Variants in INSR observed in about 807,000 individuals in gnomAD.
The protein encoded by INSR is IR.
A neutral mutation model predicts 142.6 loss-of-function variants in INSR; 67 were observed. The ratio of observed to expected loss-of-function variants is 0.47; its 90% CI spans 0.39 to 0.58. The LOEUF is 0.58. INSR is among the 20% of genes least tolerant of loss of function. The pLI is 0.00. For synonymous variants in INSR, 756 were observed against 743.1 expected (o/e 1.02, Z -0.28); for missense variants, 1,248 against 1,833.2 (o/e 0.68, Z 5.83).
At chr19:7,218,175 C>T (rs543593167) in intron 2 of INSR, among the ~76,000 whole-genome samples, 9 of 151,974 alleles carry the variant, frequency 5.9e-5, no homozygotes, top group South Asian at 2.1e-4. Flanking sequence ...CCGGGGGTCA[C>T]GTGGAAGTGT....
chr19:7,137,974 T>C (rs952071973), intron 13 of INSR, among the ~76,000 whole-genome samples: 2 of 148,518 alleles, frequency 1.3e-5, no homozygotes, highest in Non-Finnish European at 3.0e-5. Context: ...TTCTTTTTTT[T>C]TTTTTTTGAG....
At chr19:7,122,578 G>T in intron 19 of INSR, 36 bp downstream of exon 19, 3 of 1,612,510 alleles carry the variant, frequency 1.9e-6, no homozygotes, top group Non-Finnish European at 2.5e-6. Context: ...ACCTGGCCTG[G>T]GTCGTTATGT....
intron 2 of INSR, among the ~76,000 whole-genome samples, chr19:7,197,918 A>AGTGTGTGTGTGTGTGT (rs71864058): frequency 1.7e-4 from 17 of 100,218 alleles, no homozygotes; most frequent in African/African-American, 5.6e-4. Context: ...CCAGAGTGAG[A>AGTGTGTGTGTGTGTGT]GTGTGTGTGT....
chr19:7,130,529 T>G (rs1308129915), intron 14 of INSR, among the ~76,000 whole-genome samples: 3 of 152,222 alleles, frequency 2.0e-5, no homozygotes, highest in East Asian at 1.9e-4. Flanking sequence ...ACATCCCTAC[T>G]GGGTACTGTA....
chr19:7,140,891 T>C (rs1342481144), intron 13 of INSR, among the ~76,000 whole-genome samples: 6 of 151,824 alleles, frequency 4.0e-5, no homozygotes, highest in Non-Finnish European at 1.5e-5. Context: ...GTTTGGGACA[T>C]ACAGTGAGCC....
At position 7,153,024 on chromosome 19, in the gene INSR, CACCA is replaced by C. The variant is rs2144892495; in HGVS notation, c.2030-101_2030-98del. ...CACACACACACACACCACACACACACACCACACACACACACACCACACACCCCCC... is the reference window on the plus strand; with the variant it reads ...CACACACACACACACCACACACACACCACACACACACACCACACACCCCCC... On this transcript the variant is annotated intron_variant, in intron 9 of 21. Transcript: ENST00000302850. The C allele has an allele frequency of 1.0e-5, 5 of 489,194 alleles. No individual in the cohort carries two copies. In the East Asian group the frequency reaches 1.4e-4, roughly 14 times the overall value. 30.3% of individuals were successfully genotyped at this position (489,194 alleles called of 1,614,324 possible).
At position 7,192,172 on chromosome 19, in the gene INSR, CAGAGAA is replaced by C. The variant is rs1568476276; in HGVS notation, c.653-7541_653-7536del. Among the ~76,000 whole-genome samples the C allele has an allele frequency of 2.4e-5, 3 of 124,212 alleles. No homozygotes were observed. The highest frequency in any genetic ancestry group is 8.8e-5 in the African/African-American group (3 of 33,900). 81.5% of individuals were successfully genotyped at this position (124,212 alleles called of 152,430 possible). A position where few individuals can be genotyped will look rare whatever the true frequency, so the allele number is the denominator to read the frequency against. ...AGAGAAAGAGAAAGAAAAAGAAAGA[CAGAGAA>C]AGAAAAGAAAAAAGAAAGAAAAAGA... is the stretch of plus-strand genomic sequence containing the variant. On this transcript the variant is annotated intron_variant, in intron 2 of 21. Transcript: ENST00000302850. The surrounding 1 kb of genome is among the most constrained non-coding windows in gnomAD (Gnocchi z 4.2).
At position 7,119,512 on chromosome 19, in the gene INSR, T is replaced by C; in HGVS notation, c.3731A>G (p.Gln1244Arg). 6.2e-7 allele frequency: 1 copy of C among 1,614,186 alleles called. No homozygotes were observed. The highest frequency in any genetic ancestry group is 1.7e-5 in the Admixed American group (1 of 60,024). The change falls in exon 21 of 22, where the codon CAG (glutamine) becomes CGG (arginine). Residue 1244 changes from glutamine (Q) to arginine (R), a missense_variant. Physicochemically the swap from Gln to Arg is conservative, Grantham distance 43. This residue lies in a region of INSR where 1,069 missense variants were observed against 1,654.0 expected (regional missense o/e 0.65). Transcript: ENST00000302850. This position sits in a 1 kb window ranked among gnomAD's most constrained non-coding sequence, Gnocchi z 5.2. The part of the protein sequence containing the change: ...EQPYQGLSNE[Q>R]VLKFVMDGGY... ...TCCATCCATGACAAATTTCAACACC[T>C]GTTCATTAGACAGGCCTTGGTAAGG...
Position 7,123,044 on chromosome 19 carries a change from G to A in INSR, c.3259-55C>T, listed in dbSNP as rs959904325. On this transcript the variant is annotated intron_variant, in intron 17 of 21. Coordinates refer to ENST00000302850, the MANE Select transcript of INSR (RefSeq NM_000208.4). The stretch of plus-strand genomic sequence containing the variant: ...GGAGGGTCCGTGATTCGACTCACCA[G>A]GGTTCTCCTCCCTCCCTGGTGTCTA... The A allele has an allele frequency of 3.8e-6, 5 of 1,313,472 alleles. No homozygotes were observed. The African/African-American group carries it at 7.3e-5, about 19-fold the overall frequency. The allele number at this position is 1,313,472 out of a possible 1,614,324, so 81.4% of individuals were successfully genotyped here.
At position 7,146,236 on chromosome 19, in the gene INSR, C is replaced by CCTTTTTTTTTTT. The variant is rs1424523294; in HGVS notation, c.2268-3147_2268-3146insAAAAAAAAAAAG. 3.6e-5 allele frequency among the ~76,000 whole-genome samples: 4 copies of CCTTTTTTTTTTT among 110,756 alleles called. 2 individuals are homozygous for CCTTTTTTTTTTT. Among genetic ancestry groups the CCTTTTTTTTTTT allele is most frequent in the Non-Finnish European group, 3.8e-5 (2 of 53,232 alleles). The allele number at this position is 110,756 out of a possible 152,430, so 72.7% of individuals were successfully genotyped here. On this transcript the variant is annotated intron_variant, in intron 11 of 21. Coordinates refer to ENST00000302850, the MANE Select transcript of INSR (RefSeq NM_000208.4). Reference sequence around the variant, plus strand: ...TTCAGTGCAGTATCTTTGTCAAGTTCTTTTTTTTTTTTTTTTTTTTTTGAG... The same window carrying CCTTTTTTTTTTT: ...TTCAGTGCAGTATCTTTGTCAAGTTCCTTTTTTTTTTTTTTTTTTTTTTTTTTTTTTTTTGAG...
At chr19:7,183,353 A>G (rs1974325159) in intron 3 of INSR, among the ~76,000 whole-genome samples, 1 of 151,810 alleles carries the variant, frequency 6.6e-6, no homozygotes, top group South Asian at 2.1e-4. Context: ...GATTTTTGCA[A>G]CTCAGTTACG....
chr19:7,264,061 C>T (rs1382759803), intron 2 of INSR, among the ~76,000 whole-genome samples: 6 of 151,732 alleles, frequency 4.0e-5, no homozygotes, highest in East Asian at 1.9e-4. Flanking sequence ...CCTAGCTACT[C>T]GGGAGGCTGA....
chr19:7,250,437 AAAAGAAAGAAGAAAGAAAAGGAAGAAAAG>A (rs754834206), intron 2 of INSR, among the ~76,000 whole-genome samples: 50 of 142,098 alleles, frequency 3.5e-4, no homozygotes, highest in Non-Finnish European at 6.2e-4. Flanking sequence ...AAGAAAGAAG[AAAAGAAAGAAGAAAGAAAAGGAAGAAAAG>A]AAAGAAAGAA....
chr19:7,123,184 T>A (rs1481488994), intron 17 of INSR, 195 bp from the exon 18 acceptor site: 37 of 568,868 alleles, frequency 6.5e-5, no homozygotes, highest in East Asian at 4.5e-4. Context: ...TTTTTTTTAA[T>A]TTTCGAGACG....
chr19:7,176,550 G>A (rs764287000), intron 3 of INSR, among the ~76,000 whole-genome samples: 29 of 152,182 alleles, frequency 1.9e-4, no homozygotes, highest in Non-Finnish European at 3.7e-4. Context: ...GCAGTGAGCC[G>A]AGATTGTGCC....
intron 2 of INSR, among the ~76,000 whole-genome samples, chr19:7,264,559 G>C (rs1237220464): frequency 2.0e-5 from 3 of 152,172 alleles, no homozygotes; most frequent in Non-Finnish European, 2.9e-5. Flanking sequence ...AATGTTCACT[G>C]TTTCCCCTGG....
chr19:7,187,001 C>T (rs1449418956), intron 2 of INSR, among the ~76,000 whole-genome samples: 1 of 152,024 alleles, frequency 6.6e-6, no homozygotes, highest in Non-Finnish European at 1.5e-5. Context: ...CTGCGCCCGA[C>T]ATCCCATTTT....
Position 7,184,642 on chromosome 19 carries a change from A to AGG in INSR, c.653-6_653-5insCC, listed in dbSNP as rs780601620. The AGG allele has an allele frequency of 1.3e-6, 1 of 750,520 alleles. No individual in the cohort carries two copies. The highest frequency in any genetic ancestry group is 1.9e-5 in the African/African-American group (1 of 52,586). 46.5% of individuals were successfully genotyped at this position (750,520 alleles called of 1,614,324 possible). A position where few individuals can be genotyped will look rare whatever the true frequency, so the allele number is the denominator to read the frequency against. ...ACTTACAGATGGTCGGGCAAACTGG[A>AGG]GAGAGAGAGAGAGAGAGAGGGAAAT... On this transcript the variant is annotated splice_region_variant and splice_polypyrimidine_tract_variant and intron_variant, in intron 2 of 21. Transcript: ENST00000302850.
rs146404961 is a variant in INSR at position 7,132,834 on chromosome 19, G to T, written c.2683-517C>A. Among the ~76,000 whole-genome samples, 1,280 of 151,998 alleles carry T rather than the reference G, an allele frequency of 8.4e-3. 17 individuals carry two copies. Among genetic ancestry groups the T allele is most frequent in the African/African-American group, 0.029 (1,207 of 41,474 alleles). Reference sequence around the variant, plus strand: ...TCAAACTCCTGACCTCAAGTGATCCGCCCACCTCGGCCTCCCAAAGTGCTG... The same window carrying T: ...TCAAACTCCTGACCTCAAGTGATCCTCCCACCTCGGCCTCCCAAAGTGCTG... On this transcript the variant is annotated intron_variant, in intron 13 of 21. Transcript: ENST00000302850.
Sources: gnomAD v4.1 joint callset for allele counts (sites outside exome capture counted in the v4.1 genomes callset) on GRCh38, gnomAD v4.1.1 for gene constraint, gnomAD v4.1.1 regional missense constraint, Gnocchi (gnomAD v3.1) non-coding constraint, MANE v1.5 for transcripts, NCBI Gene and HGNC (gene_info 2026-07-23, HGNC 2026-07-21) for gene names.